Variants in INTS8 observed in about 807,000 individuals in gnomAD.
The protein encoded by INTS8 is protein kaonashi-1.
Under a neutral mutation model 138.9 loss-of-function variants are expected in INTS8, and 47 were observed. The ratio of observed to expected loss-of-function variants is 0.34; its 90% CI spans 0.27 to 0.43. The LOEUF (loss-of-function observed/expected upper bound fraction) is 0.43. Among genes scored for constraint, INTS8 ranks in the 20% least tolerant of loss-of-function variants. INTS8 has a pLI of 1.00. For missense variants in INTS8, 996 were observed against 1,173.0 expected (o/e 0.85, Z 2.20); for synonymous variants, 392 against 400.9 (o/e 0.98, Z 0.27).
Position 94,850,334 on chromosome 8 carries a change from T to C in INTS8, c.1507+243T>C, listed in dbSNP as rs1815484206. Reference sequence around the variant, plus strand: ...ATAAAAGATTTTAGCTGGGGAAGGCTGGGCGTGGTGGCTCACGCCTGTAAT... The same window carrying C: ...ATAAAAGATTTTAGCTGGGGAAGGCCGGGCGTGGTGGCTCACGCCTGTAAT... On this transcript the variant is annotated intron_variant, in intron 12 of 26. Transcript: ENST00000523731. Among the ~76,000 whole-genome samples, 4 of 152,100 alleles carry C rather than the reference T, an allele frequency of 2.6e-5. No individual in the cohort carries two copies. In the South Asian group the frequency reaches 8.3e-4, roughly 32 times the overall value.
chr8:94,867,349 T>C lies in INTS8; in HGVS notation c.2414+12T>C. On this transcript the variant is annotated intron_variant, in intron 20 of 26. Transcript: ENST00000523731. ...TCTTCCATTCCCAAGTAAGTAGTGGTATAGCTTTTATTTTATTAATTGAGT... is the reference window on the plus strand; with the variant it reads ...TCTTCCATTCCCAAGTAAGTAGTGGCATAGCTTTTATTTTATTAATTGAGT... The C allele has an allele frequency of 6.3e-7, 1 of 1,588,052 alleles. No homozygotes were observed. Among genetic ancestry groups the C allele is most frequent in the Non-Finnish European group, 8.6e-7 (1 of 1,158,794 alleles).
At position 94,838,103 on chromosome 8, in the gene INTS8, G is replaced by T. The variant is rs186792113; in HGVS notation, c.862-360G>T. On this transcript the variant is annotated intron_variant, in intron 7 of 26. Coordinates refer to ENST00000523731, the MANE Select transcript of INTS8 (RefSeq NM_017864.4). Reference sequence around the variant, plus strand: ...GCTTTGTCACCCAGGCTGGAGTGCAGTGGCGCCTTCTCGGCTCACTGCAAC... The same window carrying T: ...GCTTTGTCACCCAGGCTGGAGTGCATTGGCGCCTTCTCGGCTCACTGCAAC... Among the ~76,000 whole-genome samples, 644 of 147,598 alleles carry T rather than the reference G, an allele frequency of 4.4e-3. 3 individuals are homozygous for T. The highest frequency in any genetic ancestry group is 0.015 in the African/African-American group (590 of 39,756).
intron 4 of INTS8, among the ~76,000 whole-genome samples, chr8:94,828,260 C>T (rs755088740): frequency 6.6e-6 from 1 of 151,982 alleles, no homozygotes; most frequent in Non-Finnish European, 1.5e-5. Context: ...AGGCTGGTGT[C>T]GAACTCCTGA....
At chr8:94,840,244 T>C (rs1327563186) in intron 8 of INTS8, among the ~76,000 whole-genome samples, 1 of 152,242 alleles carries the variant, frequency 6.6e-6, no homozygotes, top group African/African-American at 2.4e-5. Flanking sequence ...GCTGTGTTGC[T>C]CCTGTGGAGC....
Position 94,848,013 on chromosome 8 carries a change from C to T in INTS8, c.1261-1449C>T, listed in dbSNP as rs372629833. 1.4e-3 allele frequency among the ~76,000 whole-genome samples: 188 copies of T among 129,992 alleles called. 1 individual carries two copies. The highest frequency in any genetic ancestry group is 4.5e-3 in the African/African-American group (154 of 34,600). 85.3% of individuals were successfully genotyped at this position (129,992 alleles called of 152,430 possible). On this transcript the variant is annotated intron_variant, in intron 10 of 26. Coordinates refer to ENST00000523731, the MANE Select transcript of INTS8 (RefSeq NM_017864.4). ...TGAACATAGCACTTTTAAAACACTG[C>T]TTTTTTTTTTTTTGAGATGGAGTCT...
intron 8 of INTS8, among the ~76,000 whole-genome samples, chr8:94,840,369 C>T (rs935037484): frequency 2.0e-5 from 3 of 152,140 alleles, no homozygotes; most frequent in Non-Finnish European, 4.4e-5. Context: ...TTTCAGATAT[C>T]TCCTTTCCCC....
intron 20 of INTS8, among the ~76,000 whole-genome samples, chr8:94,868,094 T>C (rs989319861): frequency 7.2e-5 from 11 of 152,242 alleles, no homozygotes; most frequent in Non-Finnish European, 4.4e-5. Flanking sequence ...CTTTAATTAC[T>C]TTGAGAAATA....
chr8:94,853,241 G>A (rs1460228704), intron 13 of INTS8, among the ~76,000 whole-genome samples: 2 of 152,132 alleles, frequency 1.3e-5, no homozygotes, highest in East Asian at 3.9e-4. Context: ...GAACCTGGGA[G>A]GCAGAGATTG....
chr8:94,834,362 G>GGGGTGT (rs1242444373), intron 6 of INTS8, among the ~76,000 whole-genome samples: 9 of 144,464 alleles, frequency 6.2e-5, no homozygotes, highest in African/African-American at 1.0e-4. Context: ...TATGTGCATG[G>GGGGTGT]GTGTGTGTGT....
chr8:94,875,231 C>T (rs907320344), intron 23 of INTS8, among the ~76,000 whole-genome samples: 1 of 152,112 alleles, frequency 6.6e-6, no homozygotes, highest in South Asian at 2.1e-4. Context: ...TAATGCCCAT[C>T]AAATGATGAA....
Position 94,861,058 on chromosome 8 carries a change from A to C in INTS8, c.2076+1426A>C, listed in dbSNP as rs998101061. 4.9e-3 allele frequency among the ~76,000 whole-genome samples: 698 copies of C among 141,036 alleles called. 4 individuals carry two copies. Among genetic ancestry groups the C allele is most frequent in the African/African-American group, 0.014 (547 of 39,446 alleles). 92.5% of individuals were successfully genotyped at this position (141,036 alleles called of 152,430 possible). A position where few individuals can be genotyped will look rare whatever the true frequency, so the allele number is the denominator to read the frequency against. ...GGCGACAGAGTGAGACTCTGTCTCA[A>C]AAAAAAAAAAAAAAAAATCCTTTAA... On this transcript the variant is annotated intron_variant, in intron 16 of 26. Transcript: ENST00000523731.
rs1815884133 is a variant in INTS8 at position 94,859,745 on chromosome 8, A to G, written c.2076+113A>G. On this transcript the variant is annotated intron_variant, in intron 16 of 26. Transcript: ENST00000523731. ...TTTCTGTGATACAAATGATTGGACAAATGCTTGTTGATTTGTAGTTAAAGG... is the reference window on the plus strand; with the variant it reads ...TTTCTGTGATACAAATGATTGGACAGATGCTTGTTGATTTGTAGTTAAAGG... The G allele has an allele frequency of 3.6e-6, 3 of 822,122 alleles. No individual in the cohort carries two copies. In the African/African-American group the frequency reaches 5.4e-5, roughly 15 times the overall value. 50.9% of individuals were successfully genotyped at this position (822,122 alleles called of 1,614,324 possible).
chr8:94,873,353 A>T (rs1235361355), intron 21 of INTS8, 21 bp from the exon 22 acceptor site: 1 of 1,532,774 alleles, frequency 6.5e-7, no homozygotes. Flanking sequence ...CTAATGCTTT[A>T]TGTCTGTTTT....
intron 16 of INTS8, among the ~76,000 whole-genome samples, chr8:94,860,947 C>G (rs1397470518): frequency 6.6e-6 from 1 of 150,634 alleles, no homozygotes; most frequent in African/African-American, 2.4e-5. Context: ...GTCCCAGCTA[C>G]TCGGGAGGCT....
At chr8:94,829,418 G>T (rs1031804066) in intron 5 of INTS8, among the ~76,000 whole-genome samples, 2 of 151,956 alleles carry the variant, frequency 1.3e-5, no homozygotes, top group Non-Finnish European at 2.9e-5. Flanking sequence ...TCACGATAGG[G>T]TTTGCGCTCC....
At chr8:94,864,162 A>G (rs1423885345) in intron 16 of INTS8, among the ~76,000 whole-genome samples, 1 of 152,064 alleles carries the variant, frequency 6.6e-6, no homozygotes, top group Non-Finnish European at 1.5e-5. Context: ...TCAGGTATTT[A>G]TTGAACTTTT....
intron 4 of INTS8, among the ~76,000 whole-genome samples, chr8:94,828,416 A>G (rs1027844831): frequency 6.6e-6 from 1 of 152,194 alleles, no homozygotes; most frequent in African/African-American, 2.4e-5. Flanking sequence ...TCAATATTAG[A>G]GTACAATACA....
chr8:94,835,572 T>G (rs1446043777), intron 6 of INTS8, among the ~76,000 whole-genome samples: 1 of 151,958 alleles, frequency 6.6e-6, no homozygotes, highest in Admixed American at 6.6e-5. Context: ...AAATTCCCGA[T>G]CTTTTCAGAC....
intron 10 of INTS8, among the ~76,000 whole-genome samples, chr8:94,846,620 G>C (rs1815342692): frequency 6.6e-6 from 1 of 152,174 alleles, no homozygotes; most frequent in South Asian, 2.1e-4. Flanking sequence ...CCAGTACAGT[G>C]TTCAGTAGAA....
Sources: gnomAD v4.1 joint callset for allele counts (sites outside exome capture counted in the v4.1 genomes callset) on GRCh38, gnomAD v4.1.1 for gene constraint, MANE v1.5 for transcripts, NCBI Gene and HGNC (gene_info 2026-07-23, HGNC 2026-07-21) for gene names.